Variants in ARPP21 observed in about 807,000 individuals in gnomAD.
ARPP21 encodes cAMP regulated phosphoprotein 21, also known as cAMP-regulated phosphoprotein 21.
In ARPP21, 69 loss-of-function variants were observed where a neutral mutation model predicts 113.2. That is an observed-to-expected ratio of 0.61 (90% CI 0.50 to 0.74). ARPP21 has a LOEUF of 0.74. Ranked by LOEUF, ARPP21 falls within the 30% of genes least tolerant of loss-of-function variation. The pLI, the probability that ARPP21 is intolerant of heterozygous loss-of-function variation, is 0.00. For synonymous variants in ARPP21, 368 were observed against 375.5 expected (o/e 0.98, Z 0.23); for missense variants, 1,070 against 1,037.4 (o/e 1.03, Z -0.43).
At position 35,665,135 on chromosome 3, in the gene ARPP21, T is replaced by G. The variant is rs1313667178; in HGVS notation, c.-212-14652T>G. Reference sequence around the variant, plus strand: ...TAACTCAGAATACATGAGTTTAATATAAGTGTGTCTTGGTTTATATTTATG... The same window carrying G: ...TAACTCAGAATACATGAGTTTAATAGAAGTGTGTCTTGGTTTATATTTATG... On this transcript the variant is annotated intron_variant, in intron 1 of 20. Coordinates refer to ENST00000684406, the MANE Select transcript of ARPP21 (RefSeq NM_001385562.1). Among the ~76,000 whole-genome samples, 3 of 152,206 alleles carry G rather than the reference T, an allele frequency of 2.0e-5. No individual in the cohort carries two copies. In the East Asian group the frequency reaches 5.8e-4, roughly 29 times the overall value.
intron 9 of ARPP21, among the ~76,000 whole-genome samples, chr3:35,691,713 G>C (rs1055600243): frequency 2.0e-4 from 30 of 151,400 alleles, no homozygotes; most frequent in African/African-American, 7.3e-4. Context: ...CATTTGCTTT[G>C]AAGCTTGGAG....
chr3:35,668,356 C>A (rs939257515), intron 1 of ARPP21, among the ~76,000 whole-genome samples: 2 of 152,106 alleles, frequency 1.3e-5, no homozygotes, highest in Non-Finnish European at 2.9e-5. Context: ...AGTGGATTGC[C>A]AGTAGAGCAA....
At chr3:35,669,912 A>C (rs758658724) in intron 1 of ARPP21, among the ~76,000 whole-genome samples, 1 of 152,146 alleles carries the variant, frequency 6.6e-6, no homozygotes, top group Non-Finnish European at 1.5e-5. Context: ...TTCTGAGCAC[A>C]GTTTAACCGT....
intron 19 of ARPP21, among the ~76,000 whole-genome samples, chr3:35,779,776 A>G (rs1348968914): frequency 1.3e-5 from 2 of 152,174 alleles, no homozygotes; most frequent in African/African-American, 2.4e-5. Flanking sequence ...TTGTTTTCCA[A>G]ATGCCTTGCC....
At chr3:35,702,399 C>A (rs2086776363) in intron 9 of ARPP21, among the ~76,000 whole-genome samples, 1 of 151,734 alleles carries the variant, frequency 6.6e-6, no homozygotes, top group African/African-American at 2.4e-5. Flanking sequence ...AGAAATCGAA[C>A]TACTTTGTCA....
intron 9 of ARPP21, among the ~76,000 whole-genome samples, chr3:35,694,534 G>A (rs2083230013): frequency 6.6e-6 from 1 of 151,332 alleles, no homozygotes; most frequent in South Asian, 2.1e-4. Flanking sequence ...AGAAAATTAG[G>A]CACAAACTGA....
At chr3:35,715,205 AC>A (rs2092194643) in intron 11 of ARPP21, 1 of 452,256 alleles carries the variant, frequency 2.2e-6, no homozygotes, top group South Asian at 3.0e-5. Flanking sequence ...TGCCGAACAG[AC>A]TAAATCTAAA....
intron 19 of ARPP21, among the ~76,000 whole-genome samples, chr3:35,762,836 C>A (rs182728579): frequency 6.6e-6 from 1 of 152,056 alleles, no homozygotes; most frequent in South Asian, 2.1e-4. Context: ...AAACCAGACT[C>A]AGACACTAGA....
intron 18 of ARPP21, among the ~76,000 whole-genome samples, chr3:35,740,935 A>G (rs1423272690): frequency 6.6e-6 from 1 of 151,906 alleles, no homozygotes; most frequent in African/African-American, 2.4e-5. Flanking sequence ...TCATCTCTGC[A>G]AAGAATTAAA....
At chr3:35,739,184 A>C (rs2094522251) in intron 17 of ARPP21, 133 bp from the exon 18 acceptor site, 1 of 1,085,360 alleles carries the variant, frequency 9.2e-7, no homozygotes, top group African/African-American at 1.6e-5. Flanking sequence ...GAATTATTTT[A>C]TTTTATTTTT....
chr3:35,766,375 T>C (rs2095978142), intron 19 of ARPP21, among the ~76,000 whole-genome samples: 1 of 152,090 alleles, frequency 6.6e-6, no homozygotes, highest in African/African-American at 2.4e-5. Context: ...CAAGAGAGGC[T>C]TTGCTACTTA....
chr3:35,745,220 AT>A (rs1052465920), intron 19 of ARPP21, among the ~76,000 whole-genome samples: 1 of 152,102 alleles, frequency 6.6e-6, no homozygotes, highest in African/African-American at 2.4e-5. Flanking sequence ...ACTTGGCAAT[AT>A]TTTCTCTAAT....
chr3:35,681,665 T>G, intron 2 of ARPP21, 49 bp from the exon 3 acceptor site: 1 of 907,364 alleles, frequency 1.1e-6, no homozygotes, highest in South Asian at 2.0e-5. Context: ...TAAAGAATGA[T>G]AGTAAATACC....
chr3:35,697,601 A>G (rs1221191033), intron 9 of ARPP21, among the ~76,000 whole-genome samples: 1 of 151,650 alleles, frequency 6.6e-6, no homozygotes, highest in Non-Finnish European at 1.5e-5. Flanking sequence ...AGTTATTACT[A>G]CATCAGAAAG....
chr3:35,641,291 A>G (rs1187086408), intron 1 of ARPP21: 1 of 152,232 alleles, frequency 6.6e-6, no homozygotes, highest in Non-Finnish European at 1.5e-5. Flanking sequence ...ATGAATCTGT[A>G]TAAGATTTCA....
intron 19 of ARPP21, among the ~76,000 whole-genome samples, chr3:35,783,054 C>T (rs2096558720): frequency 6.6e-6 from 1 of 152,060 alleles, no homozygotes; most frequent in African/African-American, 2.4e-5. Context: ...TTTCTTGAAA[C>T]ACTCCCCTAC....
At chr3:35,737,045 G>T (rs2094399141) in intron 15 of ARPP21, 133 bp from the exon 16 acceptor site, 1 of 599,542 alleles carries the variant, frequency 1.7e-6, no homozygotes, top group Non-Finnish European at 3.0e-6. Context: ...ATTGGTGAAG[G>T]TTTTGGGGTC....
At position 35,681,809 on chromosome 3, in the gene ARPP21, G is replaced by A; in HGVS notation, c.58G>A (p.Glu20Lys). 1 of 1,611,804 alleles carries A rather than the reference G, an allele frequency of 6.2e-7. No homozygotes were observed. The highest frequency in any genetic ancestry group is 1.1e-5 in the South Asian group (1 of 90,986). ...AGCAGAGGAAGGAGGGACTGAGCAG[G>A]AGACGGCCACTCCAGAGAACGGCAT... ...AIAEEGGTEQ[E>K]TATPENGIVK... The change falls in exon 3 of 21, where the codon GAG (glutamate) becomes AAG (lysine). Residue 20 changes from glutamate to lysine, a missense_variant. Glu to Lys is a moderately conservative substitution (Grantham distance 56). Transcript: ENST00000684406.
At chr3:35,672,441 C>A (rs1029764385) in intron 1 of ARPP21, among the ~76,000 whole-genome samples, 1 of 152,020 alleles carries the variant, frequency 6.6e-6, no homozygotes, top group Non-Finnish European at 1.5e-5. Context: ...AACTTTATTG[C>A]CACATTAGTT....
Sources: gnomAD v4.1 joint callset for allele counts (sites outside exome capture counted in the v4.1 genomes callset) on GRCh38, gnomAD v4.1.1 for gene constraint, MANE v1.5 for transcripts, NCBI Gene and HGNC (gene_info 2026-07-23, HGNC 2026-07-21) for gene names.